Variants in SHROOM3 observed in about 807,000 individuals in gnomAD.
SHROOM3 encodes the protein shroom family member 3.
A neutral mutation model predicts 138.6 loss-of-function variants in SHROOM3; 47 were observed. The ratio of observed to expected loss-of-function variants is 0.34; its 90% confidence interval spans 0.27 to 0.43. The LOEUF is 0.43. SHROOM3 is among the 20% of genes least tolerant of loss of function. The probability of loss-of-function intolerance (pLI) is 1.00; values close to 1 mark genes in which losing one functional copy is unlikely to be tolerated. For missense variants in SHROOM3, 2,491 were observed against 2,596.5 expected (o/e 0.96, Z 0.88); for synonymous variants, 1,062 against 1,063.3 (o/e 1.00, Z 0.02).
chr4:76,441,214 A>C (rs372190672), intron 1 of SHROOM3, among the ~76,000 whole-genome samples: 3 of 146,208 alleles, frequency 2.1e-5, no homozygotes, highest in South Asian at 4.4e-4. Context: ...CCTGCCTCAG[A>C]CTCCCAAGTA....
intron 2 of SHROOM3, among the ~76,000 whole-genome samples, chr4:76,612,486 G>T (rs1423356750): frequency 2.0e-5 from 3 of 152,114 alleles, no homozygotes; most frequent in Non-Finnish European, 4.4e-5. Context: ...CTTCTAAAGG[G>T]ATTACTGTCA....
chr4:76,711,504 G>T (rs1049933007), intron 3 of SHROOM3, among the ~76,000 whole-genome samples: 1 of 152,104 alleles, frequency 6.6e-6, no homozygotes, highest in Non-Finnish European at 1.5e-5. Flanking sequence ...ACCAGCCTGG[G>T]CAAAATGGCA....
chr4:76,538,292 G>A (rs1733025208), intron 1 of SHROOM3, among the ~76,000 whole-genome samples: 1 of 152,214 alleles, frequency 6.6e-6, no homozygotes. Context: ...GGTGGTCAGA[G>A]ACTGAGATGC....
chr4:76,484,422 T>A (rs377369864), intron 1 of SHROOM3, among the ~76,000 whole-genome samples: 151 of 151,646 alleles, frequency 1.0e-3, no homozygotes, highest in African/African-American at 3.4e-3. Context: ...AAAAAAAAAA[T>A]TTGCCAGGCA....
At chr4:76,641,955 A>G (rs1735683381) in intron 2 of SHROOM3, among the ~76,000 whole-genome samples, 1 of 152,182 alleles carries the variant, frequency 6.6e-6, no homozygotes, top group African/African-American at 2.4e-5. Flanking sequence ...TTAGAGCTTA[A>G]GTAGGACAGG....
chr4:76,459,349 A>C (rs1731095451), intron 1 of SHROOM3, among the ~76,000 whole-genome samples: 1 of 152,158 alleles, frequency 6.6e-6, no homozygotes, highest in Non-Finnish European at 1.5e-5. Flanking sequence ...GACCTTCCCC[A>C]TTAAGGCATG....
At chr4:76,717,159 C>T (rs1164377529) in intron 3 of SHROOM3, among the ~76,000 whole-genome samples, 1 of 152,152 alleles carries the variant, frequency 6.6e-6, no homozygotes, top group Non-Finnish European at 1.5e-5. Context: ...CAATCTTTTA[C>T]TCCACTCTCT....
chr4:76,529,605 A>G (rs1396257138), intron 1 of SHROOM3, among the ~76,000 whole-genome samples: 4 of 152,132 alleles, frequency 2.6e-5, no homozygotes, highest in Non-Finnish European at 5.9e-5. Flanking sequence ...GGTTACAGGC[A>G]TGAGCCACCG....
chr4:76,618,107 T>C (rs563545992), intron 2 of SHROOM3, among the ~76,000 whole-genome samples: 5 of 152,290 alleles, frequency 3.3e-5, no homozygotes, highest in Non-Finnish European at 7.4e-5. Flanking sequence ...TCAAACCAGC[T>C]TGGGCAACAC....
At chr4:76,687,724 C>T (rs1173201327) in intron 2 of SHROOM3, among the ~76,000 whole-genome samples, 1 of 152,216 alleles carries the variant, frequency 6.6e-6, no homozygotes, top group African/African-American at 2.4e-5. Context: ...GCCCAGGGAC[C>T]TCTGGTCATA....
At chr4:76,595,925 C>T (rs1008806427) in intron 2 of SHROOM3, among the ~76,000 whole-genome samples, 4 of 152,192 alleles carry the variant, frequency 2.6e-5, no homozygotes, top group South Asian at 2.1e-4. Context: ...GGAGGCAGAA[C>T]TCTTGCAGTT....
rs1283717714 is a variant in SHROOM3 at position 76,567,397 on chromosome 4, T to C, written c.323+11634T>C. 2.6e-5 allele frequency among the ~76,000 whole-genome samples: 4 copies of C among 152,104 alleles called. No individual in the cohort carries two copies. The East Asian group carries it at 7.7e-4, about 29-fold the overall frequency. On this transcript the variant is annotated intron_variant, in intron 2 of 10. Coordinates refer to ENST00000296043, the MANE Select transcript of SHROOM3 (RefSeq NM_020859.4). The stretch of plus-strand genomic sequence containing the variant: ...CGGGTGCGGTGGCTCATGCCTGTAA[T>C]CCCAGCACTTCGGGAGTCCAAGGCG...
intron 3 of SHROOM3, among the ~76,000 whole-genome samples, chr4:76,720,161 T>G (rs961654294): frequency 3.6e-5 from 5 of 139,068 alleles, no homozygotes; most frequent in African/African-American, 1.1e-4. Context: ...GTTTTTTTTT[T>G]TTTTTTTTTT....
chr4:76,600,791 G>A (rs954917107), intron 2 of SHROOM3, among the ~76,000 whole-genome samples: 6 of 152,020 alleles, frequency 3.9e-5, no homozygotes, highest in Non-Finnish European at 7.4e-5. Context: ...AAACAAACGA[G>A]TATTTTTCTT....
At chr4:76,558,726 C>G (rs1012420955) in intron 2 of SHROOM3, among the ~76,000 whole-genome samples, 2 of 152,160 alleles carry the variant, frequency 1.3e-5, no homozygotes, top group African/African-American at 4.8e-5. Context: ...CCATATGGAC[C>G]AAAAACCAGT....
chr4:76,604,679 A>G (rs1734579315), intron 2 of SHROOM3, among the ~76,000 whole-genome samples: 2 of 152,236 alleles, frequency 1.3e-5, no homozygotes, highest in Non-Finnish European at 1.5e-5. Flanking sequence ...TTGTTAGACA[A>G]TGTCTGAAAC....
chr4:76,685,214 A>C (rs1719303046), intron 2 of SHROOM3, among the ~76,000 whole-genome samples: 1 of 152,114 alleles, frequency 6.6e-6, no homozygotes, highest in Non-Finnish European at 1.5e-5. Context: ...CTTTCAACTT[A>C]TATATAAGTT....
At chr4:76,762,434 T>C (rs747604671) in intron 9 of SHROOM3, among the ~76,000 whole-genome samples, 3 of 152,198 alleles carry the variant, frequency 2.0e-5, no homozygotes, top group Non-Finnish European at 4.4e-5. Context: ...CTCACATTTG[T>C]TTTCTCTCTT....
At chr4:76,526,234 G>A (rs1732686304) in intron 1 of SHROOM3, among the ~76,000 whole-genome samples, 1 of 152,160 alleles carries the variant, frequency 6.6e-6, no homozygotes, top group Admixed American at 6.5e-5. Context: ...GGGCGTGGTG[G>A]CAGGTGCCTG....
Sources: allele counts gnomAD v4.1 joint callset (sites outside exome capture counted in the v4.1 genomes callset), GRCh38; gene constraint gnomAD v4.1.1; transcripts MANE v1.5; gene names NCBI Gene and HGNC (gene_info 2026-07-23, HGNC 2026-07-21).